ARCN1: variants seen among roughly 807,000 people sequenced by gnomAD.
ARCN1 encodes coatomer subunit delta.
In ARCN1, 5 loss-of-function variants were observed where a neutral mutation model predicts 60.4. That is an observed-to-expected ratio of 0.08 (90% CI 0.04 to 0.17). The LOEUF (loss-of-function observed/expected upper bound fraction) is 0.17, where lower values mean the gene tolerates loss of function less well. ARCN1 is among the 10% of genes least tolerant of loss of function. ARCN1 has a pLI of 1.00. For missense variants in ARCN1, 464 were observed against 626.5 expected, an observed-to-expected ratio of 0.74 and a Z score of 2.77; for synonymous variants, 224 against 220.0, an observed-to-expected ratio of 1.02 and a Z score of -0.16.
At chr11:118,589,092 TTATG>T (rs1938839886) in intron 5 of ARCN1, among the ~76,000 whole-genome samples, 1 of 152,166 alleles carries the variant, frequency 6.6e-6, no homozygotes, top group African/African-American at 2.4e-5. Flanking sequence ...CTGTGATTGA[TTATG>T]TAAGAGAATA....
chr11:118,598,374 G>A (rs535873932), intron 9 of ARCN1, among the ~76,000 whole-genome samples: 1 of 152,022 alleles, frequency 6.6e-6, no homozygotes, highest in African/African-American at 2.4e-5. Context: ...ATTATTTGAG[G>A]GTTATTTATG....
At chr11:118,579,800 T>C (rs1938611046) in intron 1 of ARCN1, among the ~76,000 whole-genome samples, 1 of 152,166 alleles carries the variant, frequency 6.6e-6, no homozygotes. Context: ...TAATTACTTT[T>C]TTCCATTTTC....
chr11:118,584,795 C>A, intron 5 of ARCN1, 151 bp downstream of exon 5: 1 of 758,112 alleles, frequency 1.3e-6, no homozygotes, highest in Non-Finnish European at 1.9e-6. Flanking sequence ...TACATATTAA[C>A]ATAAGATCGT....
chr11:118,593,448 C>G, intron 7 of ARCN1, 142 bp from the exon 8 acceptor site: 6 of 391,388 alleles, frequency 1.5e-5, no homozygotes, highest in Non-Finnish European at 1.4e-5. Context: ...CTAGGCTGGT[C>G]TTGAACTCAT....
chr11:118,579,488 C>A (rs1195372128), intron 1 of ARCN1, among the ~76,000 whole-genome samples: 1 of 149,360 alleles, frequency 6.7e-6, no homozygotes, highest in Admixed American at 6.7e-5. Flanking sequence ...CCTGGCCAAC[C>A]AACATGGTGA....
chr11:118,574,012 T>C (rs1555072992), intron 1 of ARCN1, among the ~76,000 whole-genome samples: 1 of 152,236 alleles, frequency 6.6e-6, no homozygotes, highest in Non-Finnish European at 1.5e-5. Flanking sequence ...AGGTAATCTT[T>C]CTAAAAATAT....
chr11:118,598,226 AG>A (rs1311518914), intron 9 of ARCN1, among the ~76,000 whole-genome samples: 1 of 152,116 alleles, frequency 6.6e-6, no homozygotes, highest in African/African-American at 2.4e-5. Flanking sequence ...TATATTTTAA[AG>A]TCGATTTGCC....
chr11:118,577,244 C>A (rs1033736760), intron 1 of ARCN1, among the ~76,000 whole-genome samples: 2 of 151,714 alleles, frequency 1.3e-5, no homozygotes, highest in Admixed American at 6.6e-5. Context: ...TTCTTTCTTT[C>A]TTTCTTTCTT....
chr11:118,600,854 G>T lies in ARCN1; in HGVS notation c.*140G>T. On this transcript the variant is annotated 3_prime_UTR_variant, in exon 10 of 10. Transcript: ENST00000264028. ...ACAATGCACGATTCTCTGCGCGCAAGGACCCTCGACTCACCCCCATGTTTC... is the reference window on the plus strand; with the variant it reads ...ACAATGCACGATTCTCTGCGCGCAATGACCCTCGACTCACCCCCATGTTTC... The T allele has an allele frequency of 1.8e-6, 1 of 567,098 alleles. No homozygotes were observed. Among genetic ancestry groups the T allele is most frequent in the Non-Finnish European group, 3.1e-6 (1 of 322,876 alleles). The allele number at this position is 567,098 out of a possible 1,614,324, so 35.1% of individuals were successfully genotyped here. A position where few individuals can be genotyped will look rare whatever the true frequency, so the allele number is the denominator to read the frequency against.
intron 5 of ARCN1, among the ~76,000 whole-genome samples, chr11:118,588,130 A>G (rs573595952): frequency 4.4e-4 from 67 of 152,288 alleles, no homozygotes; most frequent in African/African-American, 1.6e-3. Flanking sequence ...TGAGCCTTTT[A>G]TGGAGACTTC....
intron 5 of ARCN1, among the ~76,000 whole-genome samples, chr11:118,587,431 T>C (rs533175085): frequency 1.0e-3 from 155 of 152,338 alleles, no homozygotes; most frequent in African/African-American, 3.7e-3. Context: ...CGTCTTCCAA[T>C]TGCATTTTTC....
chr11:118,572,723 C>T, intron 1 of ARCN1, 173 bp downstream of exon 1: 1 of 670,848 alleles, frequency 1.5e-6, no homozygotes, highest in East Asian at 3.1e-5. Context: ...CCTGGAGATC[C>T]GATGGAGCTG....
At chr11:118,577,825 T>C (rs941327287) in intron 1 of ARCN1, among the ~76,000 whole-genome samples, 1 of 152,154 alleles carries the variant, frequency 6.6e-6, no homozygotes, top group Non-Finnish European at 1.5e-5. Context: ...AAATGGAGAT[T>C]ACCAGTACCT....
intron 2 of ARCN1, among the ~76,000 whole-genome samples, chr11:118,582,247 A>G (rs1938673337): frequency 6.6e-6 from 1 of 151,898 alleles, no homozygotes; most frequent in South Asian, 2.1e-4. Flanking sequence ...GGTTCAAGCA[A>G]TTTTCTGGCC....
rs1285090325 is a variant in ARCN1 at position 118,602,590 on chromosome 11, C to T, written c.*1876C>T. On this transcript the variant is annotated 3_prime_UTR_variant, in exon 10 of 10. Transcript: ENST00000264028. The stretch of plus-strand genomic sequence containing the variant: ...ATTGCTTGCCAAAGAAGTTTCTAGC[C>T]TTTCCCTTTCCCCTAACTGCATCAG... 2.6e-5 allele frequency: 4 copies of T among 153,770 alleles called. No individual in the cohort carries two copies. The highest frequency in any genetic ancestry group is 9.7e-5 in the African/African-American group (4 of 41,448). The allele number at this position is 153,770 out of a possible 1,614,324, so 9.5% of individuals were successfully genotyped here. A position where few individuals can be genotyped will look rare whatever the true frequency, so the allele number is the denominator to read the frequency against.
intron 5 of ARCN1, among the ~76,000 whole-genome samples, chr11:118,586,097 C>G (rs1938772321): frequency 6.6e-6 from 1 of 151,854 alleles, no homozygotes; most frequent in African/African-American, 2.4e-5. Context: ...TTCTTCTTTC[C>G]TTTCTTTCTT....
chr11:118,593,053 A>G (rs1938947662), intron 7 of ARCN1, among the ~76,000 whole-genome samples, 197 bp downstream of exon 7: 1 of 152,132 alleles, frequency 6.6e-6, no homozygotes, highest in South Asian at 2.1e-4. Flanking sequence ...TTTTGAAACC[A>G]TTGTAGTTTT....
rs1939065379 is a variant in ARCN1, at chr11:118,597,919, AT to A, written c.1446+12del. The A allele has an allele frequency of 2.5e-6, 4 of 1,613,920 alleles. No individual in the cohort carries two copies. In the Admixed American group the frequency reaches 6.7e-5, roughly 27 times the overall value. ...AATTACTGTAACATACAGGTACTCC[AT>A]TTTAGTTGAGAACATATATAGGGAA... On this transcript the variant is annotated intron_variant, in intron 9 of 9. Coordinates refer to ENST00000264028, the MANE Select transcript of ARCN1 (RefSeq NM_001655.5).
At chr11:118,597,415 G>A (rs117363466) in intron 8 of ARCN1, among the ~76,000 whole-genome samples, 1 of 152,316 alleles carries the variant, frequency 6.6e-6, no homozygotes, top group East Asian at 1.9e-4. Context: ...TAACACATCT[G>A]TTGGTCGCAG....
Sources: gnomAD v4.1 joint callset for allele counts (sites outside exome capture counted in the v4.1 genomes callset) on GRCh38, gnomAD v4.1.1 for gene constraint, MANE v1.5 for transcripts, NCBI Gene and HGNC (gene_info 2026-07-23, HGNC 2026-07-21) for gene names.